The following CYTIP variants were observed in gnomAD, a reference collection of about 807,000 sequenced individuals.
CYTIP encodes the protein cytohesin 1 interacting protein, also known as cytohesin-interacting protein.
A neutral mutation model predicts 43.8 loss-of-function variants in CYTIP; 26 were observed. The ratio of observed to expected loss-of-function variants is 0.59; its 90% CI spans 0.44 to 0.82. The LOEUF is 0.82. CYTIP is among the 40% of genes least tolerant of loss of function. CYTIP has a pLI of 0.00. For synonymous variants in CYTIP, 162 were observed against 162.9 expected, an observed-to-expected ratio of 0.99 and a Z score of 0.04; for missense variants, 426 against 443.1, an observed-to-expected ratio of 0.96 and a Z score of 0.35.
chr2:157,416,413 G>A (rs537174260), intron 7 of CYTIP, among the ~76,000 whole-genome samples: 90 of 152,292 alleles, frequency 5.9e-4, no homozygotes, highest in African/African-American at 2.1e-3. Context: ...TGTTTCATAT[G>A]AGAACAGTTC....
At chr2:157,434,841 TCTCTCTCTCA>T (rs1415257111) in intron 1 of CYTIP, 94 bp from the exon 2 acceptor site, 166 of 444,448 alleles carry the variant, frequency 3.7e-4, no homozygotes, top group African/African-American at 2.9e-3. Flanking sequence ...TCTCTCTCTC[TCTCTCTCTCA>T]CACACACACA....
At chr2:157,425,738 T>C (rs1446868705) in intron 6 of CYTIP, among the ~76,000 whole-genome samples, 1 of 152,190 alleles carries the variant, frequency 6.6e-6, no homozygotes, top group Non-Finnish European at 1.5e-5. Flanking sequence ...AAAGTTAAAC[T>C]TTTTTAAAAA....
rs911970003 is a variant in CYTIP at position 157,420,165 on chromosome 2, A to T, written c.547-1576T>A. On this transcript the variant is annotated intron_variant, in intron 6 of 7. Transcript: ENST00000264192. The stretch of plus-strand genomic sequence containing the variant: ...AGCCTGGGCAACATAGTGAGACCTT[A>T]TCTCTACAAATTTTTTTTTCTAATT... Among the ~76,000 whole-genome samples the T allele has an allele frequency of 1.6e-4, 24 of 152,240 alleles. 2 individuals carry two copies. The highest frequency in any genetic ancestry group is 1.4e-3 in the East Asian group (7 of 5,184).
At chr2:157,417,458 A>G (rs1685455143) in intron 7 of CYTIP, among the ~76,000 whole-genome samples, 1 of 152,202 alleles carries the variant, frequency 6.6e-6, no homozygotes, top group Non-Finnish European at 1.5e-5. Flanking sequence ...AAGAATTTAT[A>G]TTCACTGGGC....
chr2:157,439,072 T>A (rs1685861332), intron 1 of CYTIP: 1 of 199,588 alleles, frequency 5.0e-6, no homozygotes, highest in African/African-American at 2.4e-5. Flanking sequence ...GCTAATTGAC[T>A]AGTTAAAGAT....
chr2:157,416,555 A>G (rs2105130468), intron 7 of CYTIP, among the ~76,000 whole-genome samples: 1 of 152,356 alleles, frequency 6.6e-6, no homozygotes, highest in African/African-American at 2.4e-5. Flanking sequence ...TTGGGGAAAT[A>G]CTATCATGAT....
intron 2 of CYTIP, 79 bp downstream of exon 2, chr2:157,434,613 GAGAGGA>G: frequency 2.0e-6 from 2 of 1,002,876 alleles, no homozygotes; most frequent in Non-Finnish European, 3.1e-6. Context: ...GAGAGAGAGA[GAGAGGA>G]AGAGAGAGGA....
intron 1 of CYTIP, among the ~76,000 whole-genome samples, chr2:157,436,430 C>T (rs1354216180): frequency 2.0e-5 from 3 of 151,934 alleles, no homozygotes; most frequent in East Asian, 1.9e-4. Flanking sequence ...GCTTGTTTTC[C>T]GCCCTTAAGC....
At chr2:157,419,368 G>C (rs1278564527) in intron 6 of CYTIP, among the ~76,000 whole-genome samples, 2 of 152,194 alleles carry the variant, frequency 1.3e-5, no homozygotes, top group Admixed American at 6.5e-5. Flanking sequence ...GCTAAACTTA[G>C]AACACTGCTA....
chr2:157,416,079 G>T lies in CYTIP; in HGVS notation c.678C>A (p.Pro226=). 6.2e-7 allele frequency: 1 copy of T among 1,614,112 alleles called. No homozygotes were observed. Among genetic ancestry groups the T allele is most frequent in the South Asian group, 1.1e-5 (1 of 91,076 alleles). The change falls in exon 8 of 8, where the codon CCC becomes CCA. Residue 226 remains proline (P), a synonymous_variant. Coordinates refer to ENST00000264192, the MANE Select transcript of CYTIP (RefSeq NM_004288.5). The stretch of plus-strand genomic sequence containing the variant: ...CAAGGGCTGGGCCTGGCCCAGGCAG[G>T]GGTCCAAACAAAGACAATTCATCCA... The part of the protein sequence containing the change: ...MDLDELSLFG[P]LPGPGPALVD...
chr2:157,427,278 C>G, intron 6 of CYTIP, 73 bp downstream of exon 6: 1 of 1,290,676 alleles, frequency 7.7e-7, no homozygotes, highest in Non-Finnish European at 1.1e-6. Context: ...CTCAGTTCCT[C>G]AAATAGATCT....
intron 1 of CYTIP, among the ~76,000 whole-genome samples, chr2:157,442,294 C>T (rs1237122905): frequency 9.9e-5 from 15 of 152,154 alleles, no homozygotes; most frequent in Admixed American, 2.6e-4. Context: ...ATTCCCTTCT[C>T]GTCTTTTTAC....
Position 157,420,175 on chromosome 2 carries a change from A to AT in CYTIP, c.547-1587dup, listed in dbSNP as rs199979994. Among the ~76,000 whole-genome samples the AT allele has an allele frequency of 9.9e-3, 1,501 of 151,956 alleles. 23 individuals are homozygous for AT. Among genetic ancestry groups the AT allele is most frequent in the African/African-American group, 0.034 (1,405 of 41,430 alleles). On this transcript the variant is annotated intron_variant, in intron 6 of 7. Coordinates refer to ENST00000264192, the MANE Select transcript of CYTIP (RefSeq NM_004288.5). Reference sequence around the variant, plus strand: ...ACATAGTGAGACCTTATCTCTACAAATTTTTTTTTCTAATTAGCTGGGTAT... The same window carrying AT: ...ACATAGTGAGACCTTATCTCTACAAATTTTTTTTTTCTAATTAGCTGGGTAT...
At position 157,428,948 on chromosome 2, in the gene CYTIP, G is replaced by T. The variant is rs182177320; in HGVS notation, c.477-1528C>A. On this transcript the variant is annotated intron_variant, in intron 5 of 7. Coordinates refer to ENST00000264192, the MANE Select transcript of CYTIP (RefSeq NM_004288.5). The stretch of plus-strand genomic sequence containing the variant: ...CTGTAGCTGAAAAGGACAGATCCTG[G>T]CATCCAGAGCAGGTGGTCAAACCCC... 2.0e-3 allele frequency among the ~76,000 whole-genome samples: 301 copies of T among 152,292 alleles called. 2 individuals are homozygous for T. The highest frequency in any genetic ancestry group is 6.9e-3 in the African/African-American group (287 of 41,560).
chr2:157,430,543 C>G lies in CYTIP; in HGVS notation c.476+16G>C. 6.2e-7 allele frequency: 1 copy of G among 1,609,682 alleles called. No homozygotes were observed. The highest frequency in any genetic ancestry group is 8.5e-7 in the Non-Finnish European group (1 of 1,175,918). On this transcript the variant is annotated intron_variant, in intron 5 of 7. Coordinates refer to ENST00000264192, the MANE Select transcript of CYTIP (RefSeq NM_004288.5). ...ATAACATTTTGAAGCCCCACGGGAACTAGACAGATAGTTACGTTAGCAGGT... is the reference window on the plus strand; with the variant it reads ...ATAACATTTTGAAGCCCCACGGGAAGTAGACAGATAGTTACGTTAGCAGGT...
chr2:157,421,658 T>C (rs1448936007), intron 6 of CYTIP, among the ~76,000 whole-genome samples: 1 of 152,156 alleles, frequency 6.6e-6, no homozygotes, highest in Non-Finnish European at 1.5e-5. Flanking sequence ...TCCCTGAAAA[T>C]GTGGATCAGA....
At chr2:157,417,517 C>A (rs1056823557) in intron 7 of CYTIP, among the ~76,000 whole-genome samples, 1 of 152,052 alleles carries the variant, frequency 6.6e-6, no homozygotes, top group Admixed American at 6.6e-5. Context: ...GCCCTCATGT[C>A]TAAAGAAAGC....
rs770738501 is a variant in CYTIP, at chr2:157,430,846, A to C, written c.382+14T>G. ...ATTTAAATGATTCCTAACATGAGCA[A>C]AAATTTAAGTTACCAGCTTGCAGGC... On this transcript the variant is annotated intron_variant, in intron 4 of 7. Coordinates refer to ENST00000264192, the MANE Select transcript of CYTIP (RefSeq NM_004288.5). 13 of 1,596,332 alleles carry C rather than the reference A, an allele frequency of 8.1e-6. No individual in the cohort carries two copies. Among genetic ancestry groups the C allele is most frequent in the Admixed American group, 7.3e-5 (4 of 54,910 alleles).
At chr2:157,442,373 T>C (rs191018138) in intron 1 of CYTIP, among the ~76,000 whole-genome samples, 1 of 151,674 alleles carries the variant, frequency 6.6e-6, no homozygotes, top group African/African-American at 2.4e-5. Flanking sequence ...TTGAATTGCA[T>C]GGGCTAGAGA....
Sources: gnomAD v4.1 joint callset for allele counts (sites outside exome capture counted in the v4.1 genomes callset) on GRCh38, gnomAD v4.1.1 for gene constraint, MANE v1.5 for transcripts, NCBI Gene and HGNC (gene_info 2026-07-23, HGNC 2026-07-21) for gene names.